ATF7: variants seen among roughly 807,000 people sequenced by gnomAD.
ATF7 encodes cyclic AMP-dependent transcription factor ATF-7.
ATF7 carries 10 observed loss-of-function variants against 50.4 expected under a neutral mutation model. The observed-to-expected ratio is 0.20, with a 90% CI of 0.12 to 0.34. ATF7 has a LOEUF of 0.34. Ranked by LOEUF, ATF7 falls within the 10% of genes least tolerant of loss-of-function variation. ATF7 has a pLI of 1.00. For synonymous variants in ATF7, 201 were observed against 226.4 expected, an observed-to-expected ratio of 0.89 and a Z score of 1.01; for missense variants, 465 against 613.9, an observed-to-expected ratio of 0.76 and a Z score of 2.56.
chr12:53,543,232 T>C, intron 4 of ATF7, 98 bp downstream of exon 4: 1 of 1,551,048 alleles, frequency 6.4e-7, no homozygotes, highest in Non-Finnish European at 8.7e-7. Context: ...AGCCCATGAT[T>C]TTGTGTTTTA....
chr12:53,534,735 A>G, intron 5 of ATF7, 76 bp from the exon 6 acceptor site: 1 of 1,481,726 alleles, frequency 6.7e-7, no homozygotes, highest in Non-Finnish European at 9.1e-7. Context: ...GGTAAAATCT[A>G]GTACAAATTT....
At chr12:53,594,407 G>T (rs150065104) in intron 2 of ATF7, among the ~76,000 whole-genome samples, 1 of 152,122 alleles carries the variant, frequency 6.6e-6, no homozygotes. Flanking sequence ...TTTTTGGGAA[G>T]GGCAGACTGG....
intron 2 of ATF7, among the ~76,000 whole-genome samples, chr12:53,571,611 G>A (rs1488593015): frequency 4.6e-5 from 7 of 150,788 alleles, no homozygotes; most frequent in African/African-American, 1.7e-4. Flanking sequence ...AGTCCAGCCT[G>A]GGCAACACAG....
At chr12:53,622,514 G>A (rs936153289) in intron 1 of ATF7, among the ~76,000 whole-genome samples, 1 of 151,872 alleles carries the variant, frequency 6.6e-6, no homozygotes, top group African/African-American at 2.4e-5. Context: ...CCAGCTACTC[G>A]GGAGGTTGAG....
At position 53,531,705 on chromosome 12, in the gene ATF7, C is replaced by G. The variant is rs769603349; in HGVS notation, c.927+39G>C. 19 of 1,555,274 alleles carry G rather than the reference C, an allele frequency of 1.2e-5. No individual in the cohort carries two copies. The African/African-American group carries it at 2.2e-4, about 18-fold the overall frequency. On this transcript the variant is annotated intron_variant, in intron 9 of 11. Coordinates refer to ENST00000420353, the MANE Select transcript of ATF7 (RefSeq NM_006856.3). ...GAACAATAGATATGACATAAAGATA[C>G]GTCATAAAGATATGACATAAAGAGT...
Position 53,563,702 on chromosome 12 carries a change from T to A in ATF7, c.49-11065A>T, listed in dbSNP as rs11170600. 0.04 allele frequency among the ~76,000 whole-genome samples: 6,093 copies of A among 152,380 alleles called. 975 individuals are homozygous for A. The East Asian group carries it at 0.55, about 14-fold the overall frequency. ...TTTTCACCTGCCCCACCTCTGGGCT[T>A]GCCCAGTTTGGCACTCAATAAATTA... On this transcript the variant is annotated intron_variant, in intron 2 of 11. Transcript: ENST00000420353.
In ATF7 at chr12:53,601,070, A is replaced by G. The variant is rs1943382083; in HGVS notation, c.-21-49T>C. 6 of 185,680 alleles carry G rather than the reference A, an allele frequency of 3.2e-5. No individual in the cohort carries two copies. In the South Asian group the frequency reaches 1.1e-3, roughly 33 times the overall value. 11.5% of individuals were successfully genotyped at this position (185,680 alleles called of 1,614,324 possible). On this transcript the variant is annotated intron_variant, in intron 1 of 11. Transcript: ENST00000420353. ...AAAGTTATGTTAAATATGCTGGAGC[A>G]AAAAAAAAAAAAAAGTGCTTCAAAA...
intron 2 of ATF7, among the ~76,000 whole-genome samples, chr12:53,598,969 C>T (rs1386550613): frequency 1.3e-5 from 2 of 152,260 alleles, no homozygotes; most frequent in South Asian, 2.1e-4. Context: ...TACAAGGTAT[C>T]GGTCATAAGC....
intron 4 of ATF7, 151 bp downstream of exon 4, chr12:53,543,179 G>A: frequency 6.5e-7 from 1 of 1,533,816 alleles, no homozygotes. Flanking sequence ...TGGCTGACTG[G>A]GATTAGTGAC....
chr12:53,543,493 A>G, intron 3 of ATF7, 45 bp from the exon 4 acceptor site: 2 of 1,480,608 alleles, frequency 1.4e-6, no homozygotes, highest in Non-Finnish European at 1.8e-6. Flanking sequence ...TTTGATCTGA[A>G]ATTAAAACTT....
At chr12:53,604,331 C>A (rs553224760) in intron 1 of ATF7, among the ~76,000 whole-genome samples, 5 of 152,102 alleles carry the variant, frequency 3.3e-5, no homozygotes, top group Admixed American at 6.5e-5. Flanking sequence ...TGGGAGAGAA[C>A]TGAAGAAAAC....
rs144090313 is a variant in ATF7, at chr12:53,574,800, G to A, written c.49-22163C>T. ...CCAGTAAGCTTCAGTGGTGAAAAAA[G>A]AGCCTAGCCAGGCCCAAATGGGAAA... On this transcript the variant is annotated intron_variant, in intron 2 of 11. Coordinates refer to ENST00000420353, the MANE Select transcript of ATF7 (RefSeq NM_006856.3). 812 of 240,634 alleles carry A rather than the reference G, an allele frequency of 3.4e-3. 9 individuals carry two copies. Among genetic ancestry groups the A allele is most frequent in the African/African-American group, 0.018 (771 of 42,582 alleles). The allele number at this position is 240,634 out of a possible 1,614,324, so 14.9% of individuals were successfully genotyped here. A position where few individuals can be genotyped will look rare whatever the true frequency, so the allele number is the denominator to read the frequency against.
At chr12:53,518,943 A>G (rs898272138) in intron 11 of ATF7, among the ~76,000 whole-genome samples, 3 of 151,608 alleles carry the variant, frequency 2.0e-5, no homozygotes, top group Non-Finnish European at 4.4e-5. Flanking sequence ...TGTCCCAGCT[A>G]CTTGGGAGAC....
chr12:53,532,654 A>C (rs1202067255), intron 7 of ATF7, 31 bp from the exon 8 acceptor site: 1 of 1,412,674 alleles, frequency 7.1e-7, no homozygotes, highest in Non-Finnish European at 9.8e-7. Flanking sequence ...AAAAAAAAAG[A>C]GAAGGGAACA....
chr12:53,577,400 T>C (rs1208332539), intron 2 of ATF7, among the ~76,000 whole-genome samples: 2 of 151,614 alleles, frequency 1.3e-5, no homozygotes, highest in African/African-American at 4.9e-5. Flanking sequence ...AAAGGTATAA[T>C]ATGTGCATAA....
chr12:53,572,560 G>T (rs557584035), intron 2 of ATF7, among the ~76,000 whole-genome samples: 1 of 152,244 alleles, frequency 6.6e-6, no homozygotes, highest in South Asian at 2.1e-4. Flanking sequence ...TGTGCTTTTG[G>T]CGGGGGGAAA....
rs1943572818 is a variant in ATF7, at chr12:53,605,702, G to A, written c.-21-4681C>T. 1.3e-5 allele frequency among the ~76,000 whole-genome samples: 2 copies of A among 152,168 alleles called. 1 individual carries two copies. Among genetic ancestry groups the A allele is most frequent in the South Asian group, 4.1e-4 (2 of 4,830 alleles). On this transcript the variant is annotated intron_variant, in intron 1 of 11. Coordinates refer to ENST00000420353, the MANE Select transcript of ATF7 (RefSeq NM_006856.3). Reference sequence around the variant, plus strand: ...TTAAAGGAAAATGAAATTGTGATGTGTTAGTGACTGGGTGAGGGTTATTTC... The same window carrying A: ...TTAAAGGAAAATGAAATTGTGATGTATTAGTGACTGGGTGAGGGTTATTTC...
chr12:53,594,975 C>T (rs1381557329), intron 2 of ATF7, among the ~76,000 whole-genome samples: 14 of 151,858 alleles, frequency 9.2e-5, no homozygotes, highest in Admixed American at 7.2e-4. Context: ...CAGGTTACTG[C>T]AGCATCCAGA....
At chr12:53,550,152 G>A (rs879301973) in intron 3 of ATF7, among the ~76,000 whole-genome samples, 4 of 151,532 alleles carry the variant, frequency 2.6e-5, no homozygotes, top group Non-Finnish European at 4.4e-5. Flanking sequence ...GTGAAATCCC[G>A]TCTCTACTAA....
Sources: gnomAD v4.1 joint callset for allele counts (sites outside exome capture counted in the v4.1 genomes callset) on GRCh38, gnomAD v4.1.1 for gene constraint, MANE v1.5 for transcripts, NCBI Gene and HGNC (gene_info 2026-07-23, HGNC 2026-07-21) for gene names.